The following PDE4D variants were observed in gnomAD, a reference collection of about 807,000 sequenced individuals.
PDE4D encodes phosphodiesterase 4D.
PDE4D carries 24 observed loss-of-function variants against 87.4 expected under a neutral mutation model. The ratio of observed to expected loss-of-function variants is 0.27; its 90% CI spans 0.20 to 0.39. The LOEUF (loss-of-function observed/expected upper bound fraction) is 0.39, where lower values mean the gene tolerates loss of function less well. Among genes scored for constraint, PDE4D ranks in the 10% least tolerant of loss-of-function variants. The probability of loss-of-function intolerance (pLI) is 1.00; values close to 1 mark genes in which losing one functional copy is unlikely to be tolerated. For missense variants in PDE4D, 714 were observed against 1,041.0 expected, an observed-to-expected ratio of 0.69 and a Z score of 4.32; for synonymous variants, 384 against 383.2, an observed-to-expected ratio of 1.00 and a Z score of -0.02.
chr5:59,715,108 GCAGGACAGGCTA>G (rs1754806758), intron 1 of PDE4D, among the ~76,000 whole-genome samples: 1 of 152,250 alleles, frequency 6.6e-6, no homozygotes, highest in African/African-American at 2.4e-5. Context: ...TGAGAGCATG[GCAGGACAGGCTA>G]CAGTTGTCGT....
chr5:59,303,491 C>T (rs904093030), intron 1 of PDE4D, among the ~76,000 whole-genome samples: 6 of 152,062 alleles, frequency 3.9e-5, no homozygotes, highest in African/African-American at 1.2e-4. Flanking sequence ...AGGGTTTTTC[C>T]AAAGTTATCT....
intron 2 of PDE4D, among the ~76,000 whole-genome samples, chr5:60,013,818 G>A (rs866998031): frequency 1.3e-5 from 2 of 152,002 alleles, no homozygotes; most frequent in Non-Finnish European, 2.9e-5. Context: ...CATTGGGCAG[G>A]CCTGTTCCTT....
At chr5:59,610,490 A>T (rs927067513) in intron 1 of PDE4D, among the ~76,000 whole-genome samples, 4 of 152,210 alleles carry the variant, frequency 2.6e-5, no homozygotes, top group African/African-American at 9.6e-5. Context: ...CCTCTTCACC[A>T]GGATCTTATT....
intron 6 of PDE4D, among the ~76,000 whole-genome samples, chr5:59,030,422 C>CAAAAAAAAAAAAAAA (rs373275661): frequency 1.5e-4 from 9 of 58,290 alleles, no homozygotes; most frequent in East Asian, 4.7e-4. Flanking sequence ...AACAGAGATA[C>CAAAAAAAAAAAAAAA]AAAAAAAAAA....
chr5:60,301,412 A>G (rs1753882553), intron 1 of PDE4D, among the ~76,000 whole-genome samples: 1 of 152,122 alleles, frequency 6.6e-6, no homozygotes, highest in African/African-American at 2.4e-5. Flanking sequence ...TTCTCCTTGA[A>G]GAGGTCCTTC....
chr5:59,729,393 G>A (rs994835994), intron 1 of PDE4D, among the ~76,000 whole-genome samples: 2 of 152,000 alleles, frequency 1.3e-5, no homozygotes, highest in African/African-American at 4.8e-5. Context: ...TTAGAAGCAC[G>A]ATTCATTATT....
At chr5:59,133,789 A>G (rs1050578685) in intron 5 of PDE4D, among the ~76,000 whole-genome samples, 1 of 152,158 alleles carries the variant, frequency 6.6e-6, no homozygotes, top group Non-Finnish European at 1.5e-5. Flanking sequence ...GGAACCATCC[A>G]GCTACACGTG....
intron 3 of PDE4D, among the ~76,000 whole-genome samples, chr5:59,924,893 C>T (rs1755069554): frequency 6.6e-6 from 1 of 152,012 alleles, no homozygotes; most frequent in Non-Finnish European, 1.5e-5. Flanking sequence ...ATAATAACTA[C>T]AGCCAGGCAT....
intron 5 of PDE4D, among the ~76,000 whole-genome samples, chr5:59,128,956 A>T (rs1473103727): frequency 6.6e-6 from 1 of 152,230 alleles, no homozygotes. Flanking sequence ...CCACCTATTA[A>T]GAGGCAGGAC....
intron 5 of PDE4D, among the ~76,000 whole-genome samples, chr5:59,136,027 T>TA (rs35078554): frequency 0.24 from 35,903 of 148,984 alleles, 4,459 homozygotes; most frequent in Middle Eastern, 0.31. Context: ...GACTAAATGA[T>TA]AAAAAAAAAA....
chr5:58,999,448 TA>T, intron 6 of PDE4D: 1 of 972,086 alleles, frequency 1.0e-6, no homozygotes, highest in Non-Finnish European at 1.6e-6. Flanking sequence ...AATAATTTTG[TA>T]ATCAGAGTAA....
intron 1 of PDE4D, among the ~76,000 whole-genome samples, chr5:60,190,333 T>C (rs1272761440): frequency 6.6e-6 from 1 of 152,224 alleles, no homozygotes; most frequent in African/African-American, 2.4e-5. Context: ...TCTGCTTCAG[T>C]TGGCCCTCTG....
chr5:60,494,379 C>T (rs554907654), intron 1 of PDE4D, among the ~76,000 whole-genome samples: 2 of 152,176 alleles, frequency 1.3e-5, no homozygotes, highest in Non-Finnish European at 2.9e-5. Context: ...CACTGAGCCT[C>T]ACCACCTGCA....
intron 1 of PDE4D, among the ~76,000 whole-genome samples, chr5:59,441,403 C>A (rs1368893553): frequency 6.6e-6 from 1 of 152,146 alleles, no homozygotes; most frequent in East Asian, 1.9e-4. Context: ...GGCCCTGAAT[C>A]TTTTTAATAT....
At chr5:60,348,409 G>A (rs910056433) in intron 1 of PDE4D, among the ~76,000 whole-genome samples, 6 of 151,902 alleles carry the variant, frequency 3.9e-5, no homozygotes, top group African/African-American at 1.2e-4. Context: ...TTTAAAAAAT[G>A]TCTCTTGAAC....
At chr5:60,008,332 C>A (rs1046273255) in intron 2 of PDE4D, among the ~76,000 whole-genome samples, 1 of 151,994 alleles carries the variant, frequency 6.6e-6, no homozygotes, top group Non-Finnish European at 1.5e-5. Flanking sequence ...CAGGATCACA[C>A]ACCCTCACAG....
At chr5:59,616,875 A>G (rs941191303) in intron 1 of PDE4D, among the ~76,000 whole-genome samples, 1 of 134,106 alleles carries the variant, frequency 7.5e-6, no homozygotes, top group Non-Finnish European at 1.6e-5. Flanking sequence ...CAACTAAGAT[A>G]GTGAAGGGTT....
chr5:59,509,765 AAAC>A (rs1378663442), intron 1 of PDE4D, among the ~76,000 whole-genome samples: 6 of 150,006 alleles, frequency 4.0e-5, no homozygotes, highest in African/African-American at 1.5e-4. Context: ...CGTGAAAAGA[AAAC>A]AAACATTAGA....
At chr5:60,144,479 T>C (rs1582853618) in intron 2 of PDE4D, among the ~76,000 whole-genome samples, 1 of 152,334 alleles carries the variant, frequency 6.6e-6, no homozygotes, top group South Asian at 2.1e-4. Flanking sequence ...CCATGGGGAA[T>C]ATTTAGAGTG....
Sources: allele counts gnomAD v4.1 joint callset (sites outside exome capture counted in the v4.1 genomes callset), GRCh38; gene constraint gnomAD v4.1.1; transcripts MANE v1.5; gene names NCBI Gene and HGNC (gene_info 2026-07-23, HGNC 2026-07-21).